PSD3: variants seen among roughly 807,000 people sequenced by gnomAD.
The protein encoded by PSD3 is PH and SEC7 domain-containing protein 3.
A neutral mutation model predicts 105.5 loss-of-function variants in PSD3; 49 were observed. The observed-to-expected ratio is 0.46, with a 90% CI of 0.37 to 0.59. The LOEUF is 0.59. Ranked by LOEUF, PSD3 falls within the 20% of genes least tolerant of loss-of-function variation. The pLI is 0.00. For synonymous variants in PSD3, 557 were observed against 457.8 expected (o/e 1.22, Z -2.77); for missense variants, 1,561 against 1,263.8 (o/e 1.24, Z -3.57).
chr8:18,922,383 G>C (rs556315102), intron 2 of PSD3, among the ~76,000 whole-genome samples: 1 of 152,156 alleles, frequency 6.6e-6, no homozygotes, highest in Non-Finnish European at 1.5e-5. Context: ...AATTACATCT[G>C]GTGCAGCAAG....
chr8:18,980,734 A>C (rs1379224026), intron 1 of PSD3, among the ~76,000 whole-genome samples: 1 of 152,104 alleles, frequency 6.6e-6, no homozygotes, highest in African/African-American at 2.4e-5. Context: ...AATTACAATA[A>C]ACATATCCAA....
chr8:18,820,531 A>G (rs944789541), intron 4 of PSD3, among the ~76,000 whole-genome samples: 3 of 152,162 alleles, frequency 2.0e-5, no homozygotes, highest in Non-Finnish European at 4.4e-5. Context: ...AGTCATCTCT[A>G]AGCTACTTTT....
intron 4 of PSD3, among the ~76,000 whole-genome samples, chr8:18,837,166 G>C (rs140227508): frequency 2.7e-3 from 412 of 152,146 alleles, no homozygotes; most frequent in African/African-American, 9.5e-3. Context: ...CCCAAAAAGT[G>C]GATGGCTTAT....
At chr8:18,538,568 G>A (rs960971023) in intron 15 of PSD3, among the ~76,000 whole-genome samples, 7 of 152,156 alleles carry the variant, frequency 4.6e-5, no homozygotes, top group Non-Finnish European at 7.4e-5. Flanking sequence ...TTTAAAAATA[G>A]ATTCAGGAAA....
intron 11 of PSD3, among the ~76,000 whole-genome samples, chr8:18,628,897 G>A (rs1349310503): frequency 6.6e-6 from 1 of 151,800 alleles, no homozygotes; most frequent in Non-Finnish European, 1.5e-5. Flanking sequence ...AGACCAGACG[G>A]AATAAATAAG....
At position 18,937,764 on chromosome 8, in the gene PSD3, G is replaced by A. The variant is rs970375640; in HGVS notation, c.22-1622C>T. Reference sequence around the variant, plus strand: ...TTTTGAAGTGTTTGGGGAGCTTCAGGCTAGTAAAAGAGGAACTCGGCCAAG... The same window carrying A: ...TTTTGAAGTGTTTGGGGAGCTTCAGACTAGTAAAAGAGGAACTCGGCCAAG... On this transcript the variant is annotated intron_variant, in intron 1 of 15. Coordinates refer to ENST00000327040, the MANE Select transcript of PSD3 (RefSeq NM_015310.4). Among the ~76,000 whole-genome samples, 4 of 152,164 alleles carry A rather than the reference G, an allele frequency of 2.6e-5. No individual in the cohort carries two copies. The East Asian group carries it at 7.7e-4, about 29-fold the overall frequency.
intron 1 of PSD3, among the ~76,000 whole-genome samples, chr8:18,991,209 T>C (rs925671570): frequency 3.1e-4 from 47 of 152,258 alleles, no homozygotes; most frequent in Middle Eastern, 3.4e-3. Flanking sequence ...GATGCAGTAT[T>C]GAACTAAGTC....
intron 1 of PSD3, among the ~76,000 whole-genome samples, chr8:19,030,750 G>A (rs188016349): frequency 1.2e-4 from 18 of 152,028 alleles, no homozygotes; most frequent in East Asian, 5.8e-4. Context: ...GTCCATCCCC[G>A]TATCAACTTA....
intron 1 of PSD3, among the ~76,000 whole-genome samples, chr8:18,948,771 A>G (rs182931394): frequency 6.6e-6 from 1 of 152,290 alleles, no homozygotes; most frequent in African/African-American, 2.4e-5. Context: ...TCTGAAACAA[A>G]GTGAAATCCA....
intron 14 of PSD3, among the ~76,000 whole-genome samples, chr8:18,561,069 T>C (rs916005471): frequency 6.6e-6 from 1 of 152,204 alleles, no homozygotes; most frequent in East Asian, 1.9e-4. Context: ...CCAAATAATC[T>C]AGCAATCCCA....
intron 1 of PSD3, among the ~76,000 whole-genome samples, chr8:18,971,427 C>T (rs985277640): frequency 2.0e-5 from 3 of 152,218 alleles, no homozygotes; most frequent in South Asian, 2.1e-4. Flanking sequence ...AATACCCCAT[C>T]AACTGGCCTA....
intron 9 of PSD3, among the ~76,000 whole-genome samples, chr8:18,705,753 CTA>C (rs1801859213): frequency 6.6e-6 from 1 of 151,898 alleles, no homozygotes; most frequent in Admixed American, 6.6e-5. Flanking sequence ...GTCTGGGTAA[CTA>C]TTCTTTGGGG....
chr8:18,756,729 G>C lies in PSD3; in HGVS notation c.2172+8720C>G, dbSNP rs550010873. 4.3e-3 allele frequency among the ~76,000 whole-genome samples: 620 copies of C among 145,316 alleles called. 12 individuals are homozygous for C. The highest frequency in any genetic ancestry group is 0.015 in the African/African-American group (578 of 39,094). On this transcript the variant is annotated intron_variant, in intron 9 of 15. Transcript: ENST00000327040. ...AGCAGAAGGGGAGCGGTGACAGGGA[G>C]GAGTGAACACTGGACACAGGCTCCA... is the stretch of plus-strand genomic sequence containing the variant.
chr8:18,612,402 C>G (rs527275865), intron 11 of PSD3, among the ~76,000 whole-genome samples: 1 of 151,698 alleles, frequency 6.6e-6, no homozygotes, highest in East Asian at 1.9e-4. Context: ...GAGACGGAGT[C>G]TTGCTCTGTT....
At chr8:18,837,158 C>T (rs1814182046) in intron 4 of PSD3, among the ~76,000 whole-genome samples, 1 of 151,956 alleles carries the variant, frequency 6.6e-6, no homozygotes. Context: ...TATATATTCC[C>T]AAAAAGTGGA....
chr8:18,840,520 T>C (rs975595347), intron 4 of PSD3, among the ~76,000 whole-genome samples: 2 of 152,242 alleles, frequency 1.3e-5, no homozygotes, highest in African/African-American at 2.4e-5. Context: ...GCACTTCCGA[T>C]ATTCCAGGTT....
intron 11 of PSD3, among the ~76,000 whole-genome samples, chr8:18,609,356 G>A (rs545825035): frequency 1.3e-5 from 2 of 152,292 alleles, no homozygotes; most frequent in East Asian, 1.9e-4. Context: ...AATTTCCTGA[G>A]GTTAACGGAG....
rs1358559954 is a variant in PSD3 at position 18,527,986 on chromosome 8, A to G, written c.*7757T>C. The G allele has an allele frequency of 6.6e-6, 1 of 152,236 alleles. No individual in the cohort carries two copies. Among genetic ancestry groups the G allele is most frequent in the African/African-American group, 2.4e-5 (1 of 41,462 alleles). 9.4% of individuals were successfully genotyped at this position (152,236 alleles called of 1,614,324 possible). On this transcript the variant is annotated 3_prime_UTR_variant, in exon 16 of 16. Coordinates refer to ENST00000327040, the MANE Select transcript of PSD3 (RefSeq NM_015310.4). Reference sequence around the variant, plus strand: ...CTTTGAAGGTAAAGAAATGTTCCACAATGCCAATTAGTTTGAGCCACAGTG... The same window carrying G: ...CTTTGAAGGTAAAGAAATGTTCCACGATGCCAATTAGTTTGAGCCACAGTG...
chr8:18,795,214 C>T lies in PSD3; in HGVS notation c.2082+4081G>A, dbSNP rs1307948536. ...CCCTTTCCAAACTTACAACCCAACA[C>T]TAAAAACATTAGTAAGGTCGTGCCT... On this transcript the variant is annotated intron_variant, in intron 8 of 15. Transcript: ENST00000327040. 2.0e-5 allele frequency among the ~76,000 whole-genome samples: 3 copies of T among 152,126 alleles called. No homozygotes were observed. In the East Asian group the frequency reaches 5.8e-4, roughly 29 times the overall value.
Sources: gnomAD v4.1 joint callset for allele counts (sites outside exome capture counted in the v4.1 genomes callset) on GRCh38, gnomAD v4.1.1 for gene constraint, MANE v1.5 for transcripts, NCBI Gene and HGNC (gene_info 2026-07-23, HGNC 2026-07-21) for gene names.